Variants in MLLT3 observed in about 807,000 individuals in gnomAD.
MLLT3 encodes the protein protein AF-9.
In MLLT3, 4 loss-of-function variants were observed where a neutral mutation model predicts 53.2. The observed-to-expected ratio is 0.08, with a 90% CI of 0.04 to 0.17. MLLT3 has a LOEUF of 0.17. Among genes scored for constraint, MLLT3 ranks in the 10% least tolerant of loss-of-function variants. MLLT3 has a pLI of 1.00. For synonymous variants in MLLT3, 283 were observed against 230.6 expected, an observed-to-expected ratio of 1.23 and a Z score of -2.06; for missense variants, 569 against 684.0, an observed-to-expected ratio of 0.83 and a Z score of 1.87.
intron 2 of MLLT3, among the ~76,000 whole-genome samples, chr9:20,598,112 A>C (rs1171073066): frequency 6.6e-6 from 1 of 152,232 alleles, no homozygotes; most frequent in East Asian, 1.9e-4. Context: ...CTAAAGAAGA[A>C]TTTCATTACA....
chr9:20,612,076 C>G (rs973061651), intron 2 of MLLT3, among the ~76,000 whole-genome samples: 1 of 152,154 alleles, frequency 6.6e-6, no homozygotes, highest in Admixed American at 6.5e-5. Flanking sequence ...TAGATCATGT[C>G]TACAAAAGCA....
chr9:20,468,475 T>C (rs960036728), intron 2 of MLLT3, among the ~76,000 whole-genome samples: 4 of 152,030 alleles, frequency 2.6e-5, no homozygotes, highest in African/African-American at 9.7e-5. Context: ...AGTGAGCACA[T>C]ATTGTGAAAA....
chr9:20,516,693 A>G (rs1817928495), intron 2 of MLLT3, among the ~76,000 whole-genome samples: 2 of 152,228 alleles, frequency 1.3e-5, no homozygotes, highest in South Asian at 4.1e-4. Context: ...AGCCTCTCCT[A>G]ACAAGTAGTT....
At chr9:20,419,782 A>G (rs1447978952) in intron 4 of MLLT3, among the ~76,000 whole-genome samples, 1 of 152,222 alleles carries the variant, frequency 6.6e-6, no homozygotes, top group Non-Finnish European at 1.5e-5. Context: ...CCGCCAAAGG[A>G]AAGGACTTGA....
chr9:20,367,053 C>A (rs1049455054), intron 5 of MLLT3, among the ~76,000 whole-genome samples: 2 of 152,246 alleles, frequency 1.3e-5, no homozygotes, highest in East Asian at 3.8e-4. Flanking sequence ...ATATTCATAA[C>A]AAGACCCAGA....
intron 2 of MLLT3, among the ~76,000 whole-genome samples, chr9:20,525,364 C>T (rs1428735981): frequency 2.0e-5 from 3 of 152,112 alleles, no homozygotes; most frequent in Non-Finnish European, 2.9e-5. Flanking sequence ...AGTGTGGTGG[C>T]GTGCACATGT....
At chr9:20,544,722 C>G (rs997410718) in intron 2 of MLLT3, among the ~76,000 whole-genome samples, 2 of 152,110 alleles carry the variant, frequency 1.3e-5, no homozygotes, top group African/African-American at 4.8e-5. Context: ...TTCAGCAATC[C>G]CATTTCTGGG....
intron 2 of MLLT3, among the ~76,000 whole-genome samples, chr9:20,458,032 C>G (rs1824014025): frequency 6.6e-6 from 1 of 152,172 alleles, no homozygotes; most frequent in African/African-American, 2.4e-5. Flanking sequence ...TGCATTTCCC[C>G]CAAATGTGCC....
intron 2 of MLLT3, among the ~76,000 whole-genome samples, chr9:20,551,885 C>A (rs976609900): frequency 6.6e-6 from 1 of 152,120 alleles, no homozygotes; most frequent in Non-Finnish European, 1.5e-5. Flanking sequence ...TGTAACCTCA[C>A]GAAATTCATG....
At chr9:20,544,783 C>G (rs1587051648) in intron 2 of MLLT3, among the ~76,000 whole-genome samples, 2 of 152,176 alleles carry the variant, frequency 1.3e-5, no homozygotes, top group East Asian at 3.9e-4. Context: ...ATTTGTACCC[C>G]CACGTTCAAT....
At chr9:20,432,239 G>T (rs1740341034) in intron 4 of MLLT3, among the ~76,000 whole-genome samples, 1 of 152,020 alleles carries the variant, frequency 6.6e-6, no homozygotes, top group Non-Finnish European at 1.5e-5. Flanking sequence ...TAAAGAATAG[G>T]CAATCAAGTA....
At chr9:20,373,772 C>T (rs1210309574) in intron 5 of MLLT3, among the ~76,000 whole-genome samples, 1 of 152,038 alleles carries the variant, frequency 6.6e-6, no homozygotes, top group Non-Finnish European at 1.5e-5. Context: ...ACACCTAGAG[C>T]CTGCTATAAA....
intron 9 of MLLT3, 134 bp downstream of exon 9, chr9:20,354,674 C>G: frequency 1.6e-6 from 1 of 642,008 alleles, no homozygotes; most frequent in Admixed American, 2.6e-5. Flanking sequence ...GGATGAAATA[C>G]TCATCATTTG....
intron 2 of MLLT3, among the ~76,000 whole-genome samples, chr9:20,556,543 C>T (rs947146213): frequency 6.6e-6 from 1 of 151,926 alleles, no homozygotes; most frequent in Non-Finnish European, 1.5e-5. Context: ...ATTAGCCAGC[C>T]GTGGTGGCGG....
chr9:20,556,814 G>A (rs1360381861), intron 2 of MLLT3, among the ~76,000 whole-genome samples: 1 of 152,048 alleles, frequency 6.6e-6, no homozygotes, highest in African/African-American at 2.4e-5. Context: ...TGGCTGGTAT[G>A]ACAATGTTAG....
intron 2 of MLLT3, among the ~76,000 whole-genome samples, chr9:20,500,876 G>C (rs1825205673): frequency 6.6e-6 from 1 of 152,154 alleles, no homozygotes; most frequent in Admixed American, 6.6e-5. Flanking sequence ...CCAGTTCAAT[G>C]TCTTCTTTAA....
intron 2 of MLLT3, among the ~76,000 whole-genome samples, chr9:20,552,433 T>A (rs1818946929): frequency 6.6e-6 from 1 of 152,180 alleles, no homozygotes; most frequent in African/African-American, 2.4e-5. Context: ...ACATCACTCG[T>A]GTGAGCAGAA....
At chr9:20,548,693 G>A (rs1466999150) in intron 2 of MLLT3, among the ~76,000 whole-genome samples, 1 of 152,190 alleles carries the variant, frequency 6.6e-6, no homozygotes, top group Non-Finnish European at 1.5e-5. Context: ...GCAGCAGGCT[G>A]ATAAAAAGGC....
At chr9:20,480,970 T>C (rs1824647450) in intron 2 of MLLT3, among the ~76,000 whole-genome samples, 1 of 152,188 alleles carries the variant, frequency 6.6e-6, no homozygotes, top group South Asian at 2.1e-4. Context: ...ACTATAATTT[T>C]AAAAGTAATG....
Sources: gnomAD v4.1 joint callset for allele counts (sites outside exome capture counted in the v4.1 genomes callset) on GRCh38, gnomAD v4.1.1 for gene constraint, MANE v1.5 for transcripts, NCBI Gene and HGNC (gene_info 2026-07-23, HGNC 2026-07-21) for gene names.